NEMP2: variants seen among roughly 807,000 people sequenced by gnomAD.
NEMP2 encodes nuclear envelope integral membrane protein 2.
NEMP2 carries 53 observed loss-of-function variants against 54.2 expected under a neutral mutation model. That is an observed-to-expected ratio of 0.98 (90% confidence interval 0.78 to 1.23). NEMP2 has a LOEUF of 1.23. NEMP2 is among the 50% of genes most tolerant of loss of function. NEMP2 has a pLI of 0.00. For missense variants in NEMP2, 455 were observed against 511.3 expected (o/e 0.89, Z 1.06); for synonymous variants, 197 against 190.3 (o/e 1.04, Z -0.29).
chr2:190,517,515 C>A lies in NEMP2; in HGVS notation c.612+5G>T. On this transcript the variant is annotated splice_donor_5th_base_variant and intron_variant, in intron 5 of 8. Coordinates refer to ENST00000409150, the MANE Select transcript of NEMP2 (RefSeq NM_001142645.2). Reference sequence around the variant, plus strand: ...TTTTTACTCATTTTCACATAGTATGCCTACCTTCGGAATGAATCTTTTCAC... The same window carrying A: ...TTTTTACTCATTTTCACATAGTATGACTACCTTCGGAATGAATCTTTTCAC... The A allele has an allele frequency of 1.9e-6, 3 of 1,541,610 alleles. No homozygotes were observed. The highest frequency in any genetic ancestry group is 2.6e-6 in the Non-Finnish European group (3 of 1,140,586).
chr2:190,570,356 T>G, the NEMP2 span, among the ~76,000 whole-genome samples: 1 of 152,232 alleles, frequency 6.6e-6, no homozygotes, highest in Non-Finnish European at 1.5e-5. The surrounding 1 kb of genome is among the most constrained non-coding windows in gnomAD (Gnocchi z 5.4). Context: ...TACAAGTAAC[T>G]TAATAGAGAC....
chr2:190,615,230 C>G, the NEMP2 span, among the ~76,000 whole-genome samples: 2 of 152,196 alleles, frequency 1.3e-5, no homozygotes, highest in Non-Finnish European at 2.9e-5. The surrounding 1 kb of genome is among the most constrained non-coding windows in gnomAD (Gnocchi z 4.7). Flanking sequence ...GGGTTGGCAC[C>G]TGTGCTCCTG....
At chr2:190,581,696 T>C in the NEMP2 span, among the ~76,000 whole-genome samples, 17 of 152,186 alleles carry the variant, frequency 1.1e-4, no homozygotes, top group African/African-American at 3.9e-4. Flanking sequence ...AAAAATGATA[T>C]GTTGAGAGAT....
the NEMP2 span, among the ~76,000 whole-genome samples, chr2:190,627,395 ACC>A: frequency 6.6e-6 from 1 of 152,174 alleles, no homozygotes; most frequent in Non-Finnish European, 1.5e-5. The surrounding 1 kb of genome is among the most constrained non-coding windows in gnomAD (Gnocchi z 4.4). Flanking sequence ...ATTTACTCTG[ACC>A]ATTCACAAAA....
the NEMP2 span, among the ~76,000 whole-genome samples, chr2:190,578,408 T>G: frequency 6.6e-6 from 1 of 152,272 alleles, no homozygotes; most frequent in South Asian, 2.1e-4. The surrounding 1 kb of genome is among the most constrained non-coding windows in gnomAD (Gnocchi z 4.4). Flanking sequence ...CTTTCCTGCT[T>G]GTGACAGCTC....
chr2:190,502,540 A>C (rs1401771010), downstream of NEMP2, among the ~76,000 whole-genome samples: 1 of 152,212 alleles, frequency 6.6e-6, no homozygotes, highest in Non-Finnish European at 1.5e-5. The surrounding 1 kb of genome is among the most constrained non-coding windows in gnomAD (Gnocchi z 4.4). Flanking sequence ...TAATACATAC[A>C]TTGTCCAGCA....
At chr2:190,538,036 C>T (rs953169312), upstream of NEMP2, among the ~76,000 whole-genome samples, 2 of 152,154 alleles carry the variant, frequency 1.3e-5, no homozygotes, top group Non-Finnish European at 2.9e-5. The surrounding 1 kb of genome is among the most constrained non-coding windows in gnomAD (Gnocchi z 4.1). Flanking sequence ...TAGGGTAAAG[C>T]TAACCTGTCT....
chr2:190,438,441 A>G, the NEMP2 span, among the ~76,000 whole-genome samples: 1 of 152,196 alleles, frequency 6.6e-6, no homozygotes, highest in African/African-American at 2.4e-5. The surrounding 1 kb of genome is among the most constrained non-coding windows in gnomAD (Gnocchi z 5.2). Flanking sequence ...ACTTGAACCC[A>G]GGAGGCAGAG....
At chr2:190,550,620 A>C in the NEMP2 span, among the ~76,000 whole-genome samples, 3 of 152,208 alleles carry the variant, frequency 2.0e-5, no homozygotes, top group Non-Finnish European at 4.4e-5. The surrounding 1 kb of genome is among the most constrained non-coding windows in gnomAD (Gnocchi z 4.7). Context: ...AGCTTAAAGT[A>C]CTTTTTTCAT....
chr2:190,611,197 A>G, the NEMP2 span, among the ~76,000 whole-genome samples: 1 of 152,240 alleles, frequency 6.6e-6, no homozygotes, highest in African/African-American at 2.4e-5. This position sits in a 1 kb window ranked among gnomAD's most constrained non-coding sequence, Gnocchi z 5.4. Flanking sequence ...TACTCATAAC[A>G]TACACTAAGA....
rs368280071 is a variant in NEMP2 at position 190,514,591 on chromosome 2, A to G, written c.815T>C (p.Met272Thr). 1 of 1,551,652 alleles carries G rather than the reference A, an allele frequency of 6.4e-7. No individual in the cohort carries two copies. The highest frequency in any genetic ancestry group is 1.4e-5 in the African/African-American group (1 of 73,062). ...CAGGGAGAGGAGTCGCAGCATCCAC[A>G]TCAGAAGACTTCTGCTCCTGTCGTC... Reference protein sequence around the residue: ...LADDRSRSLLMWMLRLLSLVL... With the variant: ...LADDRSRSLLTWMLRLLSLVL... The change falls in exon 7 of 9, where the codon ATG becomes ACG. Residue 272 changes from methionine to threonine, a missense_variant. Physicochemically the swap from Met to Thr is moderately conservative, Grantham distance 81 (BLOSUM62 -1). Coordinates refer to ENST00000409150, the MANE Select transcript of NEMP2 (RefSeq NM_001142645.2). The surrounding 1 kb of genome is among the most constrained non-coding windows in gnomAD (Gnocchi z 5.7).
the NEMP2 span, among the ~76,000 whole-genome samples, chr2:190,479,602 G>A: frequency 3.3e-5 from 5 of 152,290 alleles, no homozygotes; most frequent in East Asian, 9.6e-4. Context: ...TCCTCTGTGG[G>A]TGTTGGTTGC....
chr2:190,431,575 C>G, the NEMP2 span, among the ~76,000 whole-genome samples: 2 of 152,220 alleles, frequency 1.3e-5, no homozygotes, highest in African/African-American at 4.8e-5. The surrounding 1 kb of genome is among the most constrained non-coding windows in gnomAD (Gnocchi z 4.4). Flanking sequence ...TGTGGCGGCG[C>G]GCGCCTGCAA....
the NEMP2 span, among the ~76,000 whole-genome samples, chr2:190,440,299 C>T: frequency 3.3e-5 from 5 of 152,292 alleles, no homozygotes; most frequent in African/African-American, 1.2e-4. Flanking sequence ...AGGGACTGAC[C>T]TGTCAGTCTA....
At chr2:190,599,080 A>C in the NEMP2 span, among the ~76,000 whole-genome samples, 65 of 152,324 alleles carry the variant, frequency 4.3e-4, no homozygotes, top group African/African-American at 1.6e-3. Context: ...TAGTCATAAA[A>C]TCAGATGTGT....
the NEMP2 span, among the ~76,000 whole-genome samples, chr2:190,483,981 GCC>G: frequency 6.6e-6 from 1 of 152,058 alleles, no homozygotes; most frequent in African/African-American, 2.4e-5. Context: ...TTTTTACTGT[GCC>G]TCAAAGCCAA....
the NEMP2 span, among the ~76,000 whole-genome samples, chr2:190,585,437 C>G: frequency 8.5e-5 from 13 of 152,294 alleles, 2 homozygotes; most frequent in African/African-American, 2.9e-4. The surrounding 1 kb of genome is among the most constrained non-coding windows in gnomAD (Gnocchi z 5.3). Context: ...AAACAGCACC[C>G]ACTCTGGGTG....
chr2:190,474,392 C>A, the NEMP2 span, among the ~76,000 whole-genome samples: 1 of 152,182 alleles, frequency 6.6e-6, no homozygotes, highest in Non-Finnish European at 1.5e-5. Flanking sequence ...ATATCACCAC[C>A]GATCCCACAG....
the NEMP2 span, among the ~76,000 whole-genome samples, chr2:190,426,646 G>C: frequency 5.9e-5 from 9 of 151,984 alleles, no homozygotes; most frequent in Non-Finnish European, 1.3e-4. This position sits in a 1 kb window ranked among gnomAD's most constrained non-coding sequence, Gnocchi z 4.7. Context: ...CCCCACTTTT[G>C]GAGTCCCCAG....
Sources: allele counts gnomAD v4.1 joint callset (sites outside exome capture counted in the v4.1 genomes callset), GRCh38; gene constraint gnomAD v4.1.1; non-coding constraint Gnocchi (gnomAD v3.1); transcripts MANE v1.5; gene names NCBI Gene and HGNC (gene_info 2026-07-23, HGNC 2026-07-21).